The following U2SURP variants were observed in gnomAD, a reference collection of about 807,000 sequenced individuals.
The protein encoded by U2SURP is U2 snRNP-associated SURP motif-containing protein.
A neutral mutation model predicts 144.9 loss-of-function variants in U2SURP; 9 were observed. That is an observed-to-expected ratio of 0.06 (90% CI 0.04 to 0.11). The LOEUF (loss-of-function observed/expected upper bound fraction) is 0.11, where lower values mean the gene tolerates loss of function less well. Ranked by LOEUF, U2SURP falls within the 10% of genes least tolerant of loss-of-function variation. U2SURP has a pLI of 1.00. For missense variants in U2SURP, 724 were observed against 1,226.7 expected, an observed-to-expected ratio of 0.59 and a Z score of 6.12; for synonymous variants, 408 against 396.8, an observed-to-expected ratio of 1.03 and a Z score of -0.33.
At chr3:143,016,430 GC>G in intron 5 of U2SURP, 59 bp downstream of exon 5, 1 of 1,462,148 alleles carries the variant, frequency 6.8e-7, no homozygotes, top group Non-Finnish European at 9.4e-7. Flanking sequence ...TTTTGAGCGA[GC>G]CCCATCTTGG....
chr3:143,031,743 C>G (rs1014467531), intron 16 of U2SURP, among the ~76,000 whole-genome samples: 2 of 152,188 alleles, frequency 1.3e-5, no homozygotes, highest in Admixed American at 6.5e-5. Context: ...CTGAATCCGT[C>G]TCTTTGAGAT....
intron 23 of U2SURP, among the ~76,000 whole-genome samples, chr3:143,041,567 A>G (rs1260800781): frequency 6.6e-6 from 1 of 152,004 alleles, no homozygotes; most frequent in Non-Finnish European, 1.5e-5. Flanking sequence ...GAGTTTTCTC[A>G]GTACCATATC....
At chr3:143,033,433 A>G in intron 18 of U2SURP, 83 bp downstream of exon 18, 1 of 736,770 alleles carries the variant, frequency 1.4e-6, no homozygotes, top group South Asian at 1.8e-5. Flanking sequence ...TTTTGTTAAC[A>G]TCCTGCAAGA....
intron 24 of U2SURP, among the ~76,000 whole-genome samples, chr3:143,044,450 G>A (rs144927845): frequency 1.1e-3 from 163 of 151,650 alleles, no homozygotes; most frequent in Middle Eastern, 6.8e-3. Flanking sequence ...CACCAAGCCC[G>A]ACTAATTTTT....
chr3:143,016,175 A>C, intron 4 of U2SURP, 82 bp from the exon 5 acceptor site: 1 of 1,259,310 alleles, frequency 7.9e-7, no homozygotes. Flanking sequence ...GTTTTCGTCC[A>C]TATTATTCCT....
intron 6 of U2SURP, among the ~76,000 whole-genome samples, chr3:143,019,617 A>G (rs1031990968): frequency 9.9e-5 from 15 of 152,218 alleles, no homozygotes; most frequent in African/African-American, 3.6e-4. Context: ...TTAAAAGAGG[A>G]TTCCAAAGAT....
Position 143,038,126 on chromosome 3 carries a change from C to A in U2SURP, c.2240C>A (p.Ser747Ter). 6.2e-7 allele frequency: 1 copy of A among 1,603,154 alleles called. No homozygotes were observed. Among genetic ancestry groups the A allele is most frequent in the Non-Finnish European group, 8.5e-7 (1 of 1,175,298 alleles). The change falls in exon 22 of 28, where the codon TCA becomes TAA. Residue 747 changes from serine (S) to a stop codon, truncating the protein, a stop_gained. Transcript: ENST00000473835. LOFTEE classifies it high-confidence loss of function. ...CTAATAGTGGATGCAACTGAAGACTCAAAAAAGAATGAGCCTATATTTAAA... is the reference window on the plus strand; with the variant it reads ...CTAATAGTGGATGCAACTGAAGACTAAAAAAAGAATGAGCCTATATTTAAA... ...DGVPLDATEDSKKNEPIFKVA... is the reference protein window; with the variant it reads ...DGVPLDATED
chr3:143,017,567 A>G (rs1193893513), intron 6 of U2SURP, among the ~76,000 whole-genome samples: 1 of 152,098 alleles, frequency 6.6e-6, no homozygotes, highest in African/African-American at 2.4e-5. Context: ...ATATCTCTAA[A>G]AGCAATGAAA....
At chr3:143,047,062 C>T (rs1422183834) in intron 24 of U2SURP, among the ~76,000 whole-genome samples, 1 of 128,196 alleles carries the variant, frequency 7.8e-6, no homozygotes. Flanking sequence ...CCCCCCACCT[C>T]CCTCCCTGAC....
At position 143,042,601 on chromosome 3, in the gene U2SURP, C is replaced by A. The variant is rs78900909; in HGVS notation, c.2385-516C>A. Among the ~76,000 whole-genome samples the A allele has an allele frequency of 6.5e-3, 984 of 152,238 alleles. 8 individuals carry two copies. Among genetic ancestry groups the A allele is most frequent in the African/African-American group, 0.022 (931 of 41,550 alleles). ...ATATAGTCTTTTATCCCTCACCCCC[C>A]TCCCATCCTTCCATGTCCCAGAAGT... On this transcript the variant is annotated intron_variant, in intron 23 of 27. Coordinates refer to ENST00000473835, the MANE Select transcript of U2SURP (RefSeq NM_001080415.2).
In U2SURP at chr3:143,059,032, A is replaced by AT. The variant is rs150892230; in HGVS notation, c.*2583dup. The AT allele has an allele frequency of 2.6e-5, 4 of 152,292 alleles. No individual in the cohort carries two copies. The East Asian group carries it at 7.7e-4, about 29-fold the overall frequency. The allele number at this position is 152,292 out of a possible 1,614,324, so 9.4% of individuals were successfully genotyped here. On this transcript the variant is annotated 3_prime_UTR_variant, in exon 28 of 28. Coordinates refer to ENST00000473835, the MANE Select transcript of U2SURP (RefSeq NM_001080415.2). ...CCCTCTCTTCTGTAGGTGAGAGAAA[A>AT]TAAGTAAGTCTTGATCTGTTTCTTA...
Position 143,004,574 on chromosome 3 carries a change from C to CCCT in U2SURP, c.45+2903_45+2904insTCC, listed in dbSNP as rs1553834301. On this transcript the variant is annotated intron_variant, in intron 1 of 27. Coordinates refer to ENST00000473835, the MANE Select transcript of U2SURP (RefSeq NM_001080415.2). ...ATCTGTTGGCCTCTTGACCTTGTGA[C>CCCT]CCCCCCCCCCCGCCTCGGCCTCCCA... is the stretch of plus-strand genomic sequence containing the variant. 7.2e-3 allele frequency among the ~76,000 whole-genome samples: 271 copies of CCCT among 37,670 alleles called. 44 individuals carry two copies. Among genetic ancestry groups the CCCT allele is most frequent in the African/African-American group, 0.024 (253 of 10,402 alleles). 24.7% of individuals were successfully genotyped at this position (37,670 alleles called of 152,430 possible).
chr3:143,044,821 T>G (rs1934336335), intron 24 of U2SURP, among the ~76,000 whole-genome samples: 1 of 152,214 alleles, frequency 6.6e-6, no homozygotes. Context: ...CTTGCCCACC[T>G]CTTTGTCAGA....
intron 23 of U2SURP, among the ~76,000 whole-genome samples, chr3:143,041,657 C>T (rs1222381640): frequency 6.6e-6 from 1 of 151,918 alleles, no homozygotes; most frequent in East Asian, 1.9e-4. Flanking sequence ...GGTCTTATTA[C>T]ATAAGACTTT....
chr3:143,027,274 G>A (rs1416072394), intron 14 of U2SURP, 21 bp downstream of exon 14: 13 of 1,580,654 alleles, frequency 8.2e-6, no homozygotes, highest in Admixed American at 1.7e-5. Flanking sequence ...TTTAAAAATT[G>A]TGAAATATAT....
At chr3:143,018,367 A>G (rs1936478038) in intron 6 of U2SURP, among the ~76,000 whole-genome samples, 1 of 152,174 alleles carries the variant, frequency 6.6e-6, no homozygotes, top group Admixed American at 6.5e-5. Context: ...TGTGGCATGA[A>G]TCAGTACTTC....
At chr3:143,022,017 A>G (rs1936661058) in intron 10 of U2SURP, among the ~76,000 whole-genome samples, 1 of 152,180 alleles carries the variant, frequency 6.6e-6, no homozygotes, top group African/African-American at 2.4e-5. Flanking sequence ...TATATTTTGC[A>G]TATATACTGT....
rs1935287607 is a variant in U2SURP, at chr3:143,059,456, C to T, written c.*3006C>T. The T allele has an allele frequency of 6.6e-6, 1 of 151,880 alleles. No individual in the cohort carries two copies. Among genetic ancestry groups the T allele is most frequent in the Non-Finnish European group, 1.5e-5 (1 of 67,808 alleles). The allele number at this position is 151,880 out of a possible 1,614,324, so 9.4% of individuals were successfully genotyped here. ...TGAAAATACTTTTGAGAAATTTTAA[C>T]TGTGATTAAATTTAGGTTTATTAGA... On this transcript the variant is annotated 3_prime_UTR_variant, in exon 28 of 28. Coordinates refer to ENST00000473835, the MANE Select transcript of U2SURP (RefSeq NM_001080415.2).
intron 14 of U2SURP, among the ~76,000 whole-genome samples, chr3:143,027,463 G>A (rs549102460): frequency 6.6e-6 from 1 of 152,130 alleles, no homozygotes; most frequent in African/African-American, 2.4e-5. Context: ...CGTTAGCCCC[G>A]GCAACTGCCA....
Sources: allele counts gnomAD v4.1 joint callset (sites outside exome capture counted in the v4.1 genomes callset), GRCh38; gene constraint gnomAD v4.1.1; transcripts MANE v1.5; gene names NCBI Gene and HGNC (gene_info 2026-07-23, HGNC 2026-07-21).